Variants in VDR observed in about 807,000 individuals in gnomAD.
VDR encodes vitamin D3 receptor.
A neutral mutation model predicts 39.7 loss-of-function variants in VDR; 19 were observed. The observed-to-expected ratio is 0.48, with a 90% CI of 0.33 to 0.70. The LOEUF is 0.70. Among genes scored for constraint, VDR ranks in the 30% least tolerant of loss-of-function variants. VDR has a pLI of 0.02. For missense variants in VDR, 442 were observed against 570.5 expected (o/e 0.77, Z 2.29); for synonymous variants, 242 against 215.8 (o/e 1.12, Z -1.07).
In VDR at chr12:47,879,058, T is replaced by C. The variant is rs992960287; in HGVS notation, c.56A>G (p.Asn19Ser). 18 of 1,614,006 alleles carry C rather than the reference T, an allele frequency of 1.1e-5. No individual in the cohort carries two copies. Among genetic ancestry groups the C allele is most frequent in the Non-Finnish European group, 1.4e-5 (17 of 1,180,016 alleles). Residue 19 changes from asparagine to serine, a missense_variant, in exon 3 of 10, where the codon AAC (asparagine) becomes AGC (serine). Asn to Ser is a conservative substitution (Grantham distance 46). Transcript: ENST00000549336. ...ACACACCCCACAGATCCGGGGCACG[T>C]TCCGGTCAAAGTCTCCAGGGTCAGG... ...SLPDPGDFDR[N>S]VPRICGVCGD...
At chr12:47,881,297 A>G (rs1946146137) in intron 2 of VDR, among the ~76,000 whole-genome samples, 1 of 152,092 alleles carries the variant, frequency 6.6e-6, no homozygotes, top group East Asian at 1.9e-4. Flanking sequence ...ACTAAACATC[A>G]TGTACATATG....
At chr12:47,887,330 A>AAAC (rs1401727209) in intron 1 of VDR, among the ~76,000 whole-genome samples, 5 of 151,094 alleles carry the variant, frequency 3.3e-5, no homozygotes, top group African/African-American at 1.2e-4. Context: ...CTCAAAAAAA[A>AAAC]AAAAAAAAAA....
intron 4 of VDR, 125 bp from the exon 5 acceptor site, chr12:47,857,813 C>T: frequency 9.5e-7 from 1 of 1,052,192 alleles, no homozygotes; most frequent in Non-Finnish European, 1.4e-6. Context: ...CCTCGGGGGT[C>T]CTCCTGCCAC....
Position 47,871,181 on chromosome 12 carries a change from G to A in VDR, c.147-6004C>T, listed in dbSNP as rs558861471. Among the ~76,000 whole-genome samples, 8 of 151,780 alleles carry A rather than the reference G, an allele frequency of 5.3e-5. No homozygotes were observed. The East Asian group carries it at 1.4e-3, about 26-fold the overall frequency. On this transcript the variant is annotated intron_variant, in intron 3 of 9. Coordinates refer to ENST00000549336, the MANE Select transcript of VDR (RefSeq NM_000376.3). ...CAGGTATTTATCCTGTGGGTAGATC[G>A]GTCCATGGGCGCAATGGTGGTTACT...
chr12:47,862,345 G>C (rs544128416), intron 4 of VDR, among the ~76,000 whole-genome samples: 2 of 152,366 alleles, frequency 1.3e-5, no homozygotes, highest in East Asian at 3.9e-4. Flanking sequence ...GGCCACGAGA[G>C]GCTGCCTCGG....
intron 1 of VDR, among the ~76,000 whole-genome samples, chr12:47,889,778 G>A (rs1322591877): frequency 6.6e-6 from 1 of 152,228 alleles, no homozygotes; most frequent in Non-Finnish European, 1.5e-5. Flanking sequence ...GCTAGTGTTA[G>A]TGCAGCTGAT....
At chr12:47,890,657 C>T (rs901481267) in intron 1 of VDR, among the ~76,000 whole-genome samples, 5 of 152,188 alleles carry the variant, frequency 3.3e-5, no homozygotes, top group South Asian at 4.1e-4. Flanking sequence ...ACAAAACACT[C>T]GCAAAAACCC....
intron 3 of VDR, among the ~76,000 whole-genome samples, chr12:47,868,629 T>C (rs1338443246): frequency 6.6e-6 from 1 of 152,186 alleles, no homozygotes; most frequent in Admixed American, 6.5e-5. Context: ...GGACATGAGA[T>C]TGGTGTCCCT....
chr12:47,882,919 A>T, intron 1 of VDR, 145 bp from the exon 2 acceptor site: 1 of 615,982 alleles, frequency 1.6e-6, no homozygotes, highest in Non-Finnish European at 2.7e-6. Context: ...TGTTGGGAGC[A>T]GGCATGCCAT....
chr12:47,867,745 C>T lies in VDR; in HGVS notation c.147-2568G>A, dbSNP rs539378549. 7.9e-5 allele frequency among the ~76,000 whole-genome samples: 12 copies of T among 152,370 alleles called. No individual in the cohort carries two copies. The South Asian group carries it at 2.5e-3, about 32-fold the overall frequency. On this transcript the variant is annotated intron_variant, in intron 3 of 9. Coordinates refer to ENST00000549336, the MANE Select transcript of VDR (RefSeq NM_000376.3). ...TTCCAAGCCAAAGCCCAGGCCCAAC[C>T]ATTTCCTTCCTGGAGATGAGCTACT...
intron 6 of VDR, 137 bp downstream of exon 6, chr12:47,856,992 G>T: frequency 1.5e-6 from 2 of 1,351,590 alleles, no homozygotes; most frequent in Non-Finnish European, 2.1e-6. Flanking sequence ...TTGTGAAGAC[G>T]CTGCATAGCG....
At chr12:47,896,253 T>G (rs1946463417) in intron 1 of VDR, among the ~76,000 whole-genome samples, 1 of 152,246 alleles carries the variant, frequency 6.6e-6, no homozygotes, top group Non-Finnish European at 1.5e-5. Flanking sequence ...ATTACTGCAA[T>G]GACTAAGGAG....
chr12:47,885,698 A>AT (rs887693200), intron 1 of VDR, among the ~76,000 whole-genome samples: 51 of 151,692 alleles, frequency 3.4e-4, no homozygotes, highest in South Asian at 2.1e-3. Flanking sequence ...GAGAAGCACT[A>AT]TTTTTTTTTC....
At position 47,862,075 on chromosome 12, in the gene VDR, C is replaced by T. The variant is rs189589899; in HGVS notation, c.277+2972G>A. Among the ~76,000 whole-genome samples, 38 of 152,324 alleles carry T rather than the reference C, an allele frequency of 2.5e-4. No homozygotes were observed. The East Asian group carries it at 6.9e-3, about 28-fold the overall frequency. On this transcript the variant is annotated intron_variant, in intron 4 of 9. Coordinates refer to ENST00000549336, the MANE Select transcript of VDR (RefSeq NM_000376.3). ...TACTATGTGCCAGGTACTTTACTAA[C>T]ACCAGGGAGAAAAGACATACATCTG...
chr12:47,889,962 G>A (rs959863844), intron 1 of VDR, among the ~76,000 whole-genome samples: 10 of 152,016 alleles, frequency 6.6e-5, no homozygotes, highest in African/African-American at 2.4e-4. Context: ...GTCCACATAG[G>A]CCTGAGCCAC....
chr12:47,879,570 G>T (rs1946099457), intron 2 of VDR, among the ~76,000 whole-genome samples: 1 of 152,130 alleles, frequency 6.6e-6, no homozygotes, highest in Non-Finnish European at 1.5e-5. Flanking sequence ...GAAAATGAGA[G>T]TCCTCCCTCA....
At chr12:47,867,456 C>T (rs1365418500) in intron 3 of VDR, among the ~76,000 whole-genome samples, 1 of 152,048 alleles carries the variant, frequency 6.6e-6, no homozygotes, top group Non-Finnish European at 1.5e-5. Context: ...TTTAAGGGCT[C>T]ATTTTCCTAA....
chr12:47,902,346 C>G (rs1309594744), intron 1 of VDR, among the ~76,000 whole-genome samples: 1 of 152,204 alleles, frequency 6.6e-6, no homozygotes. Flanking sequence ...AGAGTGGCAG[C>G]CAGGCTGGCT....
intron 1 of VDR, among the ~76,000 whole-genome samples, chr12:47,902,538 G>A (rs1486035159): frequency 1.3e-5 from 2 of 152,174 alleles, no homozygotes; most frequent in Non-Finnish European, 2.9e-5. Context: ...AATCAAATCT[G>A]GTCAATTCCT....
Sources: allele counts gnomAD v4.1 joint callset (sites outside exome capture counted in the v4.1 genomes callset), GRCh38; gene constraint gnomAD v4.1.1; transcripts MANE v1.5; gene names NCBI Gene and HGNC (gene_info 2026-07-23, HGNC 2026-07-21).